The following POU2F1 variants were observed in gnomAD, a reference collection of about 807,000 sequenced individuals.
POU2F1 encodes the protein POU class 2 homeobox 1, also known as POU domain, class 2, transcription factor 1.
A neutral mutation model predicts 84.9 loss-of-function variants in POU2F1; 16 were observed. The ratio of observed to expected loss-of-function variants is 0.19; its 90% CI spans 0.13 to 0.29. The LOEUF (loss-of-function observed/expected upper bound fraction) is 0.29. Among genes scored for constraint, POU2F1 ranks in the 10% least tolerant of loss-of-function variants. The pLI is 1.00. For missense variants in POU2F1, 738 were observed against 942.6 expected, an observed-to-expected ratio of 0.78 and a Z score of 2.84; for synonymous variants, 368 against 368.3, an observed-to-expected ratio of 1.00 and a Z score of 0.01.
intron 1 of POU2F1, among the ~76,000 whole-genome samples, chr1:167,286,507 A>G (rs954702340): frequency 6.6e-6 from 1 of 152,188 alleles, no homozygotes; most frequent in African/African-American, 2.4e-5. Context: ...CTTATCTTCA[A>G]AATTATAGCG....
chr1:167,351,548 GAAAGAAAAA>G (rs1658584030), intron 2 of POU2F1, among the ~76,000 whole-genome samples: 1 of 132,272 alleles, frequency 7.6e-6, no homozygotes, highest in East Asian at 2.2e-4. Context: ...AAAAAAGAAA[GAAAGAAAAA>G]AAAGAAAAGA....
In POU2F1 at chr1:167,374,197, C is replaced by T. The variant is rs770699801; in HGVS notation, c.492C>T (p.Ser164=). 99 of 1,613,452 alleles carry T rather than the reference C, an allele frequency of 6.1e-5. No individual in the cohort carries two copies. Among genetic ancestry groups the T allele is most frequent in the Admixed American group, 1.3e-4 (8 of 59,960 alleles). The change falls in exon 6 of 16, where the codon TCC becomes TCT. Residue 164 remains serine (S), a synonymous_variant. Coordinates refer to ENST00000367866, the MANE Select transcript of POU2F1 (RefSeq NM_002697.4). The part of the protein sequence containing the change: ...QLLAAAVQQH[S]ASQQHSAAGA... ...TGGCTGCTGCAGTGCAGCAGCACTC[C>T]GCCAGCCAGCAGCACAGTGCTGCTG...
chr1:167,414,468 A>G (rs1650178092), intron 15 of POU2F1: 1 of 985,350 alleles, frequency 1.0e-6, no homozygotes, highest in Non-Finnish European at 1.2e-6. Flanking sequence ...TATTTTATGT[A>G]AGAAATCAAA....
rs1176963800 is a variant in POU2F1 at position 167,419,847 on chromosome 1, A to G, written c.*4037A>G. On this transcript the variant is annotated 3_prime_UTR_variant, in exon 16 of 16. Transcript: ENST00000367866. ...ATACCTACTTATACTTAATGCTAGCACTGTAAGAAATAAGTCTTTTTTGTT... is the reference window on the plus strand; with the variant it reads ...ATACCTACTTATACTTAATGCTAGCGCTGTAAGAAATAAGTCTTTTTTGTT... 1.3e-5 allele frequency: 2 copies of G among 152,200 alleles called. No individual in the cohort carries two copies. Among genetic ancestry groups the G allele is most frequent in the Non-Finnish European group, 2.9e-5 (2 of 68,028 alleles). The allele number at this position is 152,200 out of a possible 1,614,324, so 9.4% of individuals were successfully genotyped here. A position where few individuals can be genotyped will look rare whatever the true frequency, so the allele number is the denominator to read the frequency against.
At position 167,422,499 on chromosome 1, in the gene POU2F1, C is replaced by A. The variant is rs937005664; in HGVS notation, c.*6689C>A. 6.6e-6 allele frequency: 1 copy of A among 152,140 alleles called. No individual in the cohort carries two copies. The highest frequency in any genetic ancestry group is 2.4e-5 in the African/African-American group (1 of 41,430). The allele number at this position is 152,140 out of a possible 1,614,324, so 9.4% of individuals were successfully genotyped here. On this transcript the variant is annotated 3_prime_UTR_variant, in exon 16 of 16. Transcript: ENST00000367866. The stretch of plus-strand genomic sequence containing the variant: ...AACCAAGAAGTTGAAAGCTAACCTG[C>A]CCACCTCACCCCTGTGATACAAAGT...
At chr1:167,291,906 G>A (rs1653951155) in intron 1 of POU2F1, among the ~76,000 whole-genome samples, 1 of 152,296 alleles carries the variant, frequency 6.6e-6, no homozygotes, top group East Asian at 1.9e-4. Flanking sequence ...TTTGTCTCTA[G>A]TAGCAAAATG....
chr1:167,395,218 T>C (rs887442307), intron 9 of POU2F1, among the ~76,000 whole-genome samples: 7 of 152,220 alleles, frequency 4.6e-5, no homozygotes, highest in African/African-American at 1.4e-4. Context: ...TATAGGCTTA[T>C]AGAGAAAGAC....
At chr1:167,359,656 CT>C (rs1211271823) in intron 2 of POU2F1, among the ~76,000 whole-genome samples, 2 of 152,114 alleles carry the variant, frequency 1.3e-5, no homozygotes, top group Non-Finnish European at 2.9e-5. Flanking sequence ...ATGCAGGTGT[CT>C]TTTGGGTAGA....
chr1:167,324,205 CAT>C (rs945678271), intron 1 of POU2F1, among the ~76,000 whole-genome samples: 8 of 152,224 alleles, frequency 5.3e-5, no homozygotes, highest in South Asian at 4.2e-4. Flanking sequence ...CAGATTGCCT[CAT>C]GTGTCATATA....
rs371073213 is a variant in POU2F1 at position 167,417,419 on chromosome 1, T to C, written c.*1609T>C. 6.6e-6 allele frequency: 1 copy of C among 152,246 alleles called. No individual in the cohort carries two copies. Among genetic ancestry groups the C allele is most frequent in the East Asian group, 1.9e-4 (1 of 5,204 alleles). The allele number at this position is 152,246 out of a possible 1,614,324, so 9.4% of individuals were successfully genotyped here. The stretch of plus-strand genomic sequence containing the variant: ...AATTATTTTCAGGGTGTTTGTAGAC[T>C]ATATAAATGAGCCCATTGAAAAGGA... On this transcript the variant is annotated 3_prime_UTR_variant, in exon 16 of 16. Coordinates refer to ENST00000367866, the MANE Select transcript of POU2F1 (RefSeq NM_002697.4).
intron 1 of POU2F1, among the ~76,000 whole-genome samples, chr1:167,269,177 A>G (rs968454810): frequency 2.0e-4 from 30 of 152,248 alleles, no homozygotes; most frequent in Non-Finnish European, 3.7e-4. Flanking sequence ...AAATTAAAAA[A>G]AAGAAGTAAC....
chr1:167,397,965 T>G (rs1648929857), intron 10 of POU2F1, 29 bp from the exon 11 acceptor site: 1 of 1,593,598 alleles, frequency 6.3e-7, no homozygotes, highest in Admixed American at 1.8e-5. Context: ...TCAGCTAATT[T>G]TATTTCTGTA....
Position 167,311,654 on chromosome 1 carries a change from C to CA in POU2F1, c.62-20807dup, listed in dbSNP as rs536873874. Reference sequence around the variant, plus strand: ...GTCTAATTTGAGTCTTAGTTTTTAACAAAAAAAAATTTCAAATAGAAAAAG... The same window carrying CA: ...GTCTAATTTGAGTCTTAGTTTTTAACAAAAAAAAAATTTCAAATAGAAAAAG... On this transcript the variant is annotated intron_variant, in intron 1 of 15. Coordinates refer to ENST00000367866, the MANE Select transcript of POU2F1 (RefSeq NM_002697.4). Among the ~76,000 whole-genome samples the CA allele has an allele frequency of 3.8e-3, 566 of 147,818 alleles. 2 individuals carry two copies. Among genetic ancestry groups the CA allele is most frequent in the African/African-American group, 0.012 (481 of 40,258 alleles).
chr1:167,389,923 C>T (rs1399756286), intron 9 of POU2F1, among the ~76,000 whole-genome samples, 162 bp downstream of exon 9: 3 of 152,180 alleles, frequency 2.0e-5, no homozygotes, highest in Admixed American at 6.5e-5. Flanking sequence ...CATGTATAGA[C>T]TTTTTTCTTG....
chr1:167,245,362 A>G (rs1437065626), intron 1 of POU2F1, among the ~76,000 whole-genome samples: 4 of 149,142 alleles, frequency 2.7e-5, no homozygotes, highest in Non-Finnish European at 4.5e-5. Flanking sequence ...TCCCAACTCA[A>G]CCTCCCGAGT....
chr1:167,237,746 G>GTGTATATATATA (rs1478366181), intron 1 of POU2F1, among the ~76,000 whole-genome samples: 1 of 72,982 alleles, frequency 1.4e-5, no homozygotes, highest in African/African-American at 5.4e-5. Flanking sequence ...ATGTGTGTGT[G>GTGTATATATATA]TATATATATA....
At chr1:167,299,034 G>T (rs1410145177) in intron 1 of POU2F1, among the ~76,000 whole-genome samples, 3 of 151,874 alleles carry the variant, frequency 2.0e-5, no homozygotes, top group Non-Finnish European at 2.9e-5. Flanking sequence ...ATGGTGGCAG[G>T]TGCCTGTAAT....
intron 13 of POU2F1, 104 bp downstream of exon 13, chr1:167,401,660 A>G (rs1649217963): frequency 5.1e-6 from 3 of 593,776 alleles, no homozygotes; most frequent in Non-Finnish European, 7.9e-6. Flanking sequence ...CTAACTAAAG[A>G]TAGGTGTTGC....
At chr1:167,240,504 A>C (rs1649821762) in intron 1 of POU2F1, among the ~76,000 whole-genome samples, 1 of 152,212 alleles carries the variant, frequency 6.6e-6, no homozygotes, top group African/African-American at 2.4e-5. Flanking sequence ...AAAATAATGA[A>C]ATAAATAGAG....
Sources: allele counts gnomAD v4.1 joint callset (sites outside exome capture counted in the v4.1 genomes callset), GRCh38; gene constraint gnomAD v4.1.1; transcripts MANE v1.5; gene names NCBI Gene and HGNC (gene_info 2026-07-23, HGNC 2026-07-21).